Variants in WSB2 observed in about 807,000 individuals in gnomAD.
WSB2 encodes WD repeat and SOCS box containing 2.
A neutral mutation model predicts 48.8 loss-of-function variants in WSB2; 12 were observed. That is an observed-to-expected ratio of 0.25 (90% CI 0.16 to 0.40). The LOEUF (loss-of-function observed/expected upper bound fraction) is 0.40. Among genes scored for constraint, WSB2 ranks in the 10% least tolerant of loss-of-function variants. WSB2 has a pLI of 1.00. For synonymous variants in WSB2, 191 were observed against 203.1 expected, an observed-to-expected ratio of 0.94 and a Z score of 0.51; for missense variants, 317 against 506.2, an observed-to-expected ratio of 0.63 and a Z score of 3.59.
Position 118,043,278 on chromosome 12 carries a change from G to A in WSB2, c.282C>T (p.Val94=). 6.2e-7 allele frequency: 1 copy of A among 1,614,200 alleles called. No homozygotes were observed. The highest frequency in any genetic ancestry group is 8.5e-7 in the Non-Finnish European group (1 of 1,180,010). Residue 94 remains valine (V), a synonymous_variant, in exon 3 of 9, where the codon GTC becomes GTT. Transcript: ENST00000315436. ...KEKTLDCGQI[V]WGLAFSPWPS... is the part of the protein sequence containing the mutation. Reference sequence around the variant, plus strand: ...GCCACGGGCTGAAGGCCAGCCCCCAGACAATCTGACCACAGTCCAGCGTCT... The same window carrying A: ...GCCACGGGCTGAAGGCCAGCCCCCAAACAATCTGACCACAGTCCAGCGTCT...
At chr12:118,045,376 A>AT (rs2031725801) in intron 2 of WSB2, among the ~76,000 whole-genome samples, 2 of 148,320 alleles carry the variant, frequency 1.3e-5, no homozygotes, top group Non-Finnish European at 3.0e-5. Flanking sequence ...AAAAAAAAAA[A>AT]GAATTTTAAC....
rs146545770 is a variant in WSB2, at chr12:118,049,450, G to A, written c.182+2860C>T. On this transcript the variant is annotated intron_variant, in intron 2 of 8. Coordinates refer to ENST00000315436, the MANE Select transcript of WSB2 (RefSeq NM_018639.5). ...GGAATCTCGCTCTGTTACCCAGGCT[G>A]GAGTGCAGTGGCGCGATCTCAGCTC... Among the ~76,000 whole-genome samples, 13 of 151,528 alleles carry A rather than the reference G, an allele frequency of 8.6e-5. 1 individual carries two copies. The highest frequency in any genetic ancestry group is 3.1e-4 in the African/African-American group (13 of 41,296).
At chr12:118,037,040 G>A (rs1446513549) in intron 5 of WSB2, among the ~76,000 whole-genome samples, 3 of 152,124 alleles carry the variant, frequency 2.0e-5, no homozygotes, top group African/African-American at 4.8e-5. Flanking sequence ...AAATTAGCCA[G>A]GCATGGTGGT....
intron 8 of WSB2, 39 bp from the exon 9 acceptor site, chr12:118,034,397 G>C (rs186538987): frequency 3.7e-6 from 6 of 1,603,530 alleles, no homozygotes; most frequent in Non-Finnish European, 4.3e-6. Flanking sequence ...ACAGAGCTTG[G>C]ATGTTCATGT....
upstream of WSB2, chr12:118,061,997 G>T (rs576488518): frequency 9.8e-4 from 1,108 of 1,131,046 alleles, 4 homozygotes; most frequent in Admixed American, 3.6e-3. Flanking sequence ...GAGAACACGG[G>T]GCGGTGGGGA....
At chr12:118,049,071 TA>T (rs1166104176) in intron 2 of WSB2, among the ~76,000 whole-genome samples, 1 of 152,214 alleles carries the variant, frequency 6.6e-6, no homozygotes, top group Non-Finnish European at 1.5e-5. Flanking sequence ...TTGTGCTTTT[TA>T]AAAAGAGCAG....
chr12:118,036,480 A>T lies in WSB2; in HGVS notation c.691T>A (p.Leu231Ile). The T allele has an allele frequency of 6.2e-7, 1 of 1,614,024 alleles. No individual in the cohort carries two copies. The highest frequency in any genetic ancestry group is 8.5e-7 in the Non-Finnish European group (1 of 1,179,936). ...VFLWSMRSYT[L>I]IRKLEGHQSS... The stretch of plus-strand genomic sequence containing the variant: ...TGATGGCCCTCTAGCTTCCGAATTA[A>T]CGTGTAGGACCTCATGCTCCATAGA... Residue 231 changes from leucine (L) to isoleucine (I), a missense_variant, in exon 6 of 9, where the codon TTA becomes ATA. Coordinates refer to ENST00000315436, the MANE Select transcript of WSB2 (RefSeq NM_018639.5).
At chr12:118,058,853 C>T (rs1362040209) in intron 1 of WSB2, among the ~76,000 whole-genome samples, 1 of 152,044 alleles carries the variant, frequency 6.6e-6, no homozygotes, top group Admixed American at 6.6e-5. Context: ...TGCACCACCA[C>T]GCCTGGTTAA....
rs1213798763 is a variant in WSB2 at position 118,042,989 on chromosome 12, G to A, written c.428-17C>T. On this transcript the variant is annotated splice_polypyrimidine_tract_variant and intron_variant, in intron 3 of 8. Coordinates refer to ENST00000315436, the MANE Select transcript of WSB2 (RefSeq NM_018639.5). ...GCAGGAGCCCTGGCATGGGAGCAGG[G>A]GCACTGAGTCAGCCAGAGAGGGGGC... 6.2e-7 allele frequency: 1 copy of A among 1,614,102 alleles called. No individual in the cohort carries two copies. The highest frequency in any genetic ancestry group is 8.5e-7 in the Non-Finnish European group (1 of 1,180,022).
chr12:118,051,046 T>C (rs1178497100), intron 2 of WSB2, among the ~76,000 whole-genome samples: 1 of 150,938 alleles, frequency 6.6e-6, no homozygotes, highest in African/African-American at 2.4e-5. Flanking sequence ...AGTGAGACTC[T>C]GTCTCAAAAA....
intron 1 of WSB2, among the ~76,000 whole-genome samples, chr12:118,054,422 G>A (rs1213034546): frequency 5.9e-5 from 9 of 151,564 alleles, no homozygotes; most frequent in African/African-American, 2.2e-4. Context: ...TGTAATCCCA[G>A]CACTTTGTGA....
intron 3 of WSB2, 80 bp from the exon 4 acceptor site, chr12:118,043,052 C>G: frequency 2.5e-6 from 4 of 1,613,496 alleles, no homozygotes; most frequent in Non-Finnish European, 3.4e-6. Context: ...CCTTGGCCAA[C>G]GTGAGTGGGG....
At chr12:118,034,697 C>T in intron 8 of WSB2, 1 of 500,164 alleles carries the variant, frequency 2.0e-6, no homozygotes, top group East Asian at 3.4e-5. Flanking sequence ...GTCTTTTAGC[C>T]CTAAATGGTT....
At chr12:118,058,051 G>A (rs541812064) in intron 1 of WSB2, among the ~76,000 whole-genome samples, 1 of 152,070 alleles carries the variant, frequency 6.6e-6, no homozygotes, top group African/African-American at 2.4e-5. Flanking sequence ...CCCTGGATCA[G>A]GGTGTTCTAA....
At chr12:118,044,328 T>C (rs2031703308) in intron 2 of WSB2, among the ~76,000 whole-genome samples, 1 of 152,166 alleles carries the variant, frequency 6.6e-6, no homozygotes, top group African/African-American at 2.4e-5. Context: ...GAAAGCATAC[T>C]GCAGGTTTGG....
intron 2 of WSB2, among the ~76,000 whole-genome samples, chr12:118,051,009 GC>G (rs1206335871): frequency 6.6e-6 from 1 of 151,744 alleles, no homozygotes; most frequent in African/African-American, 2.4e-5. Context: ...CTGAGATCAT[GC>G]CACTGTACTC....
intron 2 of WSB2, among the ~76,000 whole-genome samples, chr12:118,049,790 A>G (rs1451024865): frequency 3.9e-5 from 6 of 152,156 alleles, no homozygotes; most frequent in Admixed American, 3.3e-4. Context: ...CTCTAGCAGC[A>G]TGCAGAGTAC....
At chr12:118,045,404 T>G (rs566935202) in intron 2 of WSB2, among the ~76,000 whole-genome samples, 2 of 138,456 alleles carry the variant, frequency 1.4e-5, no homozygotes, top group Non-Finnish European at 3.1e-5. Flanking sequence ...ATTTACAAAA[T>G]TAGAAGGGAG....
chr12:118,062,098 CCTACGG>C, upstream of WSB2: 5 of 1,535,262 alleles, frequency 3.3e-6, no homozygotes, highest in Non-Finnish European at 4.4e-6. Context: ...CCCTTACCTA[CCTACGG>C]CGACAGCCTC....
Sources: allele counts gnomAD v4.1 joint callset (sites outside exome capture counted in the v4.1 genomes callset), GRCh38; gene constraint gnomAD v4.1.1; transcripts MANE v1.5; gene names NCBI Gene and HGNC (gene_info 2026-07-23, HGNC 2026-07-21).